Variants in ZNF732 observed in about 807,000 individuals in gnomAD.
ZNF732 encodes the protein zinc finger protein LOC654254.
In ZNF732, 12 loss-of-function variants were observed where a neutral mutation model predicts 11.5. That is an observed-to-expected ratio of 1.05 (90% CI 0.67 to 1.70). The LOEUF is 1.70. ZNF732 is among the 40% of genes most tolerant of loss of function. The pLI is 0.00. For missense variants in ZNF732, 702 were observed against 676.9 expected (o/e 1.04, Z -0.41); for synonymous variants, 231 against 236.5 (o/e 0.98, Z 0.21).
At chr4:299,493 G>GTATATATATACATATATACACATA (rs782230464) in intron 1 of ZNF732, among the ~76,000 whole-genome samples, 1 of 99,220 alleles carries the variant, frequency 1.0e-5, no homozygotes, top group Non-Finnish European at 1.9e-5. Context: ...ACACATATGT[G>GTATATATATACATATATACACATA]TGTATATATA....
At position 272,009 on chromosome 4, in the gene ZNF732, C is replaced by G. The variant is rs782637184; in HGVS notation, c.848G>C (p.Cys283Ser). The G allele has an allele frequency of 3.7e-6, 6 of 1,609,054 alleles. No homozygotes were observed. In the East Asian group the frequency reaches 1.3e-4, roughly 36 times the overall value. ...AEEKPFTCEE[C>S]GKIITSSSNV... ...TGAGGATGAGGTAATGATTTTGCCA[C>G]ATTCTTCACATGTGAAGGGTTTCTC... Residue 283 changes from cysteine (C) to serine (S), a missense_variant, in exon 4 of 4, where the codon TGT becomes TCT. Cys to Ser is a moderately radical substitution (Grantham distance 112). Coordinates refer to ENST00000419098, the MANE Select transcript of ZNF732 (RefSeq NM_001137608.3).
chr4:305,175 G>A (rs1720205472), intron 1 of ZNF732, 133 bp downstream of exon 1: 10 of 1,268,014 alleles, frequency 7.9e-6, no homozygotes, highest in Non-Finnish European at 1.1e-5. Flanking sequence ...GTCCCTCACC[G>A]GAAGGGACCA....
intron 3 of ZNF732, among the ~76,000 whole-genome samples, chr4:290,878 G>A (rs1381617403): frequency 6.6e-6 from 1 of 152,078 alleles, no homozygotes; most frequent in African/African-American, 2.4e-5. Flanking sequence ...CATCAGCCTG[G>A]GGACCCAACA....
intron 3 of ZNF732, among the ~76,000 whole-genome samples, chr4:284,870 CAAAA>C (rs1163209652): frequency 1.5e-4 from 8 of 54,814 alleles, no homozygotes; most frequent in Non-Finnish European, 3.4e-4. Context: ...GACTCTGTCT[CAAAA>C]AAAAAAAAAA....
intron 3 of ZNF732, among the ~76,000 whole-genome samples, chr4:284,639 G>A (rs563175994): frequency 1.3e-5 from 2 of 152,110 alleles, no homozygotes; most frequent in Non-Finnish European, 2.9e-5. Flanking sequence ...TTGGGAGGCT[G>A]AGGCGGGTGG....
In ZNF732 at chr4:270,814, G is replaced by A; in HGVS notation, c.*285C>T. The A allele has an allele frequency of 1.6e-6, 1 of 623,616 alleles. No individual in the cohort carries two copies. Among genetic ancestry groups the A allele is most frequent in the Non-Finnish European group, 3.0e-6 (1 of 332,266 alleles). 38.6% of individuals were successfully genotyped at this position (623,616 alleles called of 1,614,324 possible). Reference sequence around the variant, plus strand: ...TTTCTTATGTTCACTCAGGGTTGTGGACCATCTAAAAGCTTTGCCACATTC... The same window carrying A: ...TTTCTTATGTTCACTCAGGGTTGTGAACCATCTAAAAGCTTTGCCACATTC... On this transcript the variant is annotated 3_prime_UTR_variant, in exon 4 of 4. Coordinates refer to ENST00000419098, the MANE Select transcript of ZNF732 (RefSeq NM_001137608.3).
At chr4:300,398 G>GAA (rs765307414) in intron 1 of ZNF732, among the ~76,000 whole-genome samples, 13 of 149,240 alleles carry the variant, frequency 8.7e-5, no homozygotes, top group Non-Finnish European at 1.6e-4. Context: ...AGGGGGCAGA[G>GAA]GTTGTAGTGA....
In ZNF732 at chr4:271,670, C is replaced by A; in HGVS notation, c.1187G>T (p.Gly396Val). Residue 396 changes from glycine (G) to valine (V), a missense_variant, in exon 4 of 4, where the codon GGA becomes GTA. Around this residue, in one of 3 missense-constraint regions of ZNF732, gnomAD observed 596 missense variants for 557.9 expected, o/e 1.07. Transcript: ENST00000419098. ...GEKPYTCEEC[G>V]KAFSRFTTLN... is the part of the protein sequence containing the mutation. ...GGTTGTGAACCGACTAAAGGCTTTT[C>A]CACATTCTTCACATGTGTAGGGTTT... 8.1e-6 allele frequency: 13 copies of A among 1,611,246 alleles called. No homozygotes were observed. Among genetic ancestry groups the A allele is most frequent in the Non-Finnish European group, 1.0e-5 (12 of 1,178,634 alleles).
At chr4:289,452 A>G (rs1719796526) in intron 3 of ZNF732, among the ~76,000 whole-genome samples, 1 of 152,242 alleles carries the variant, frequency 6.6e-6, no homozygotes, top group Non-Finnish European at 1.5e-5. Flanking sequence ...TTTATGCTTG[A>G]ATTGTTATGT....
chr4:302,661 G>A (rs1720141291), intron 1 of ZNF732, among the ~76,000 whole-genome samples: 1 of 152,138 alleles, frequency 6.6e-6, no homozygotes, highest in African/African-American at 2.4e-5. Flanking sequence ...ATAGTTTTCA[G>A]GTCCTAGATA....
intron 1 of ZNF732, among the ~76,000 whole-genome samples, chr4:303,848 G>A (rs1720170435): frequency 6.6e-6 from 1 of 152,126 alleles, no homozygotes; most frequent in Non-Finnish European, 1.5e-5. Context: ...GATTTGTGAG[G>A]AAGAAAAAAG....
At chr4:287,456 C>T (rs190237899) in intron 3 of ZNF732, among the ~76,000 whole-genome samples, 1 of 151,964 alleles carries the variant, frequency 6.6e-6, no homozygotes, top group African/African-American at 2.4e-5. Flanking sequence ...CTCTGGTGAT[C>T]CACCCGCCTC....
intron 1 of ZNF732, among the ~76,000 whole-genome samples, chr4:300,098 G>C (rs923776770): frequency 6.6e-6 from 1 of 151,906 alleles, no homozygotes; most frequent in African/African-American, 2.4e-5. Context: ...TAAGTGGTTA[G>C]TGACTGGCTA....
chr4:295,504 T>TG lies in ZNF732; in HGVS notation c.159dup (p.Ile54HisfsTer16). The TG allele has an allele frequency of 6.2e-7, 1 of 1,612,980 alleles. No homozygotes were observed. The highest frequency in any genetic ancestry group is 1.1e-5 in the South Asian group (1 of 90,816). On this transcript the variant is annotated frameshift_variant, in exon 3 of 4. Coordinates refer to ENST00000419098, the MANE Select transcript of ZNF732 (RefSeq NM_001137608.3). LOFTEE classifies it high-confidence loss of function. Reference sequence around the variant, plus strand: ...GGCTCCTTTCTTTGCTCCAGATAGATGACCAGGTCTGGGTTAGAGATAGCA... The same window carrying TG: ...GGCTCCTTTCTTTGCTCCAGATAGATGGACCAGGTCTGGGTTAGAGATAGCA...
Position 272,134 on chromosome 4 carries a change from A to G in ZNF732, c.723T>C (p.His241=). The stretch of plus-strand genomic sequence containing the variant: ...AAGATTTCTCTCCAGTATGAACTTT[A>G]TGTTTAGCAAAGTTTGAGGATGTGG... ...IFTTSSNFAK[H]KVHTGEKSYK... Residue 241 remains histidine (H), a synonymous_variant, in exon 4 of 4, where the codon CAT becomes CAC. Coordinates refer to ENST00000419098, the MANE Select transcript of ZNF732 (RefSeq NM_001137608.3). 6.2e-7 allele frequency: 1 copy of G among 1,613,040 alleles called. No individual in the cohort carries two copies. The highest frequency in any genetic ancestry group is 8.5e-7 in the Non-Finnish European group (1 of 1,179,494).
chr4:274,809 A>C (rs1295272200), intron 3 of ZNF732, among the ~76,000 whole-genome samples: 2 of 151,542 alleles, frequency 1.3e-5, no homozygotes, highest in East Asian at 3.8e-4. Context: ...TTAAACAATA[A>C]TAATAATAAA....
At chr4:289,645 A>AT (rs1719800496) in intron 3 of ZNF732, among the ~76,000 whole-genome samples, 1 of 152,098 alleles carries the variant, frequency 6.6e-6, no homozygotes, top group Non-Finnish European at 1.5e-5. Flanking sequence ...TGAATGAGGG[A>AT]TTTTTTTTCT....
At chr4:285,493 G>C (rs1719713572) in intron 3 of ZNF732, among the ~76,000 whole-genome samples, 1 of 152,190 alleles carries the variant, frequency 6.6e-6, no homozygotes. Context: ...CAATTCCTGA[G>C]AATGAAGCTT....
At chr4:297,370 G>A (rs1035768321) in intron 1 of ZNF732, among the ~76,000 whole-genome samples, 1 of 152,096 alleles carries the variant, frequency 6.6e-6, no homozygotes, top group African/African-American at 2.4e-5. Context: ...ACTGTGCTAA[G>A]ACACTCACAT....
Sources: allele counts gnomAD v4.1 joint callset (sites outside exome capture counted in the v4.1 genomes callset), GRCh38; gene constraint gnomAD v4.1.1; regional missense constraint gnomAD v4.1.1; transcripts MANE v1.5; gene names NCBI Gene and HGNC (gene_info 2026-07-23, HGNC 2026-07-21).